Variants in MLH3 observed in about 807,000 individuals in gnomAD.
The protein encoded by MLH3 is mutL homolog 3, also known as DNA mismatch repair protein Mlh3.
A neutral mutation model predicts 122.2 loss-of-function variants in MLH3; 82 were observed. The ratio of observed to expected loss-of-function variants is 0.67; its 90% CI spans 0.56 to 0.81. The LOEUF is 0.81. MLH3 is among the 30% of genes least tolerant of loss of function. The pLI is 0.00. For missense variants in MLH3, 1,539 were observed against 1,714.5 expected (o/e 0.90, Z 1.81); for synonymous variants, 524 against 599.5 (o/e 0.87, Z 1.84).
intron 2 of MLH3, among the ~76,000 whole-genome samples, chr14:75,044,682 A>AT (rs968247102): frequency 1.6e-4 from 25 of 151,940 alleles, no homozygotes; most frequent in South Asian, 2.1e-4. Context: ...TACTACAGTG[A>AT]TTTTTTTTTC....
chr14:75,047,245 C>T lies in MLH3; in HGVS notation c.2411G>A (p.Cys804Tyr), dbSNP rs2139563242. 2 of 1,614,178 alleles carry T rather than the reference C, an allele frequency of 1.2e-6. No homozygotes were observed. The highest frequency in any genetic ancestry group is 1.7e-6 in the Non-Finnish European group (2 of 1,180,012). Residue 804 changes from cysteine to tyrosine, a missense_variant, in exon 2 of 13, where the codon TGT (cysteine) becomes TAT (tyrosine). By Grantham distance (194) the Cys-to-Tyr change is radical (BLOSUM62 -2). Coordinates refer to ENST00000355774, the MANE Select transcript of MLH3 (RefSeq NM_001040108.2). ...DKNRLENSDVCKITTMEHSDS... is the reference protein window; with the variant it reads ...DKNRLENSDVYKITTMEHSDS... ...ACTATGCTCCATAGTAGTGATTTTA[C>T]AAACATCAGAGTTCTCTAAGCGGTT... is the stretch of plus-strand genomic sequence containing the variant.
At chr14:75,023,104 C>T (rs1351934516) in intron 9 of MLH3, 86 bp from the exon 10 acceptor site, 1 of 1,467,790 alleles carries the variant, frequency 6.8e-7, no homozygotes, top group Non-Finnish European at 9.5e-7. Flanking sequence ...CAATTTTCTT[C>T]TTTAAATCAT....
chr14:75,021,096 C>G (rs145731545), intron 11 of MLH3, among the ~76,000 whole-genome samples: 3,264 of 152,290 alleles, frequency 0.021, 61 homozygotes, highest in African/African-American at 0.047. Context: ...AGGCTGGTCT[C>G]GAACTCCTGA....
intron 4 of MLH3, among the ~76,000 whole-genome samples, chr14:75,041,308 G>T (rs1304907145): frequency 6.6e-6 from 1 of 152,210 alleles, no homozygotes; most frequent in Non-Finnish European, 1.5e-5. Flanking sequence ...CCAGGACTTT[G>T]GGAGGCTGAG....
At position 75,016,267 on chromosome 14, in the gene MLH3, T is replaced by C. The variant is rs1464120183; in HGVS notation, c.*815A>G. ...AAGATATTTGGTTAGGTTGAACGTA[T>C]GTATGCTGTGTTTTGATATGACAAT... On this transcript the variant is annotated 3_prime_UTR_variant, in exon 13 of 13. Coordinates refer to ENST00000355774, the MANE Select transcript of MLH3 (RefSeq NM_001040108.2). 4.9e-6 allele frequency: 1 copy of C among 204,348 alleles called. No homozygotes were observed. The highest frequency in any genetic ancestry group is 7.5e-5 in the East Asian group (1 of 13,296). The allele number at this position is 204,348 out of a possible 1,614,324, so 12.7% of individuals were successfully genotyped here.
chr14:75,014,404 G>T lies in MLH3; in HGVS notation c.*2678C>A, dbSNP rs563610644. On this transcript the variant is annotated 3_prime_UTR_variant, in exon 13 of 13. Transcript: ENST00000355774. Reference sequence around the variant, plus strand: ...AGCTTCATTCTAGCCTACACTTTATGCTTTGCCTTAAGCTTTTCTGATACT... The same window carrying T: ...AGCTTCATTCTAGCCTACACTTTATTCTTTGCCTTAAGCTTTTCTGATACT... The T allele has an allele frequency of 1.7e-5, 3 of 179,138 alleles. No homozygotes were observed. In the East Asian group the frequency reaches 2.8e-4, roughly 17 times the overall value. 11.1% of individuals were successfully genotyped at this position (179,138 alleles called of 1,614,324 possible).
intron 6 of MLH3, among the ~76,000 whole-genome samples, chr14:75,035,380 G>C (rs531538766): frequency 6.6e-6 from 1 of 152,212 alleles, no homozygotes; most frequent in African/African-American, 2.4e-5. Flanking sequence ...AATTAGCTGG[G>C]CGTGGGTGGC....
intron 11 of MLH3, among the ~76,000 whole-genome samples, chr14:75,021,629 A>G (rs974844433): frequency 2.0e-5 from 3 of 152,246 alleles, no homozygotes; most frequent in Non-Finnish European, 4.4e-5. Flanking sequence ...ACAGTGACAT[A>G]CCATCTCACA....
chr14:75,022,011 G>A (rs960985960), intron 11 of MLH3, among the ~76,000 whole-genome samples: 1 of 152,026 alleles, frequency 6.6e-6, no homozygotes, highest in African/African-American at 2.4e-5. Flanking sequence ...AAAAAAGAAC[G>A]AGATCACATC....
Position 75,047,730 on chromosome 14 carries a change from A to G in MLH3, c.1926T>C (p.Phe642=), listed in dbSNP as rs1319967873. ...RPGPTRAQET[F]GNRTRHSVET... ...CAACTGAATGACGTGTTCTATTTCC[A>G]AATGTTTCTTGGGCACGTGTGGGAC... Residue 642 remains phenylalanine (F), a synonymous_variant, in exon 2 of 13, where the codon TTT becomes TTC. Transcript: ENST00000355774. The G allele has an allele frequency of 3.7e-6, 6 of 1,614,142 alleles. No individual in the cohort carries two copies. The highest frequency in any genetic ancestry group is 5.1e-6 in the Non-Finnish European group (6 of 1,180,010).
At chr14:75,045,231 G>A (rs530963109) in intron 2 of MLH3, among the ~76,000 whole-genome samples, 4 of 152,324 alleles carry the variant, frequency 2.6e-5, no homozygotes, top group South Asian at 4.1e-4. Flanking sequence ...TTGGGAGGCT[G>A]AGGCAGGAGG....
rs1892394467 is a variant in MLH3, at chr14:75,048,163, T to C, written c.1493A>G (p.Glu498Gly). Residue 498 changes from glutamate (E) to glycine (G), a missense_variant, in exon 2 of 13, where the codon GAA (glutamate) becomes GGA (glycine). Physicochemically the swap from Glu to Gly is moderately conservative, Grantham distance 98. Coordinates refer to ENST00000355774, the MANE Select transcript of MLH3 (RefSeq NM_001040108.2). Reference protein sequence around the residue: ...KKSFLEHSSLENPCGTSLEMF... With the variant: ...KKSFLEHSSLGNPCGTSLEMF... ...TTCTAAACTGGTTCCACACGGATTT[T>C]CTAAAGAGCTATGTTCCAGGAAAGA... The C allele has an allele frequency of 3.1e-6, 5 of 1,614,148 alleles. No individual in the cohort carries two copies. The African/African-American group carries it at 4.0e-5, about 13-fold the overall frequency.
At chr14:75,037,911 T>C (rs1374511477) in intron 6 of MLH3, among the ~76,000 whole-genome samples, 1 of 152,206 alleles carries the variant, frequency 6.6e-6, no homozygotes, top group East Asian at 1.9e-4. Flanking sequence ...TATATGTATG[T>C]GTATGAACAT....
chr14:75,049,180 C>T lies in MLH3; in HGVS notation c.476G>A (p.Arg159Lys), dbSNP rs1892489444. 2 of 1,614,220 alleles carry T rather than the reference C, an allele frequency of 1.2e-6. No homozygotes were observed. The highest frequency in any genetic ancestry group is 4.5e-5 in the East Asian group (2 of 44,886). The change falls in exon 2 of 13, where the codon AGG becomes AAG. Residue 159 changes from arginine (R) to lysine (K), a missense_variant. Arg to Lys is a conservative substitution (Grantham distance 26). Coordinates refer to ENST00000355774, the MANE Select transcript of MLH3 (RefSeq NM_001040108.2). ...YNLFYQLPVR[R>K]KCMDPRLEFE... is the part of the protein sequence containing the mutation. ...CTCCAGTCTAGGGTCCATGCATTTC[C>T]TCCTTACAGGAAGCTGGTAAAATAG...
At chr14:75,023,064 A>G (rs1394870580) in intron 9 of MLH3, 46 bp from the exon 10 acceptor site, 1 of 1,608,728 alleles carries the variant, frequency 6.2e-7, no homozygotes, top group South Asian at 1.1e-5. Flanking sequence ...GTTATGTTTT[A>G]CTTGCCCTTT....
At chr14:75,034,084 T>G (rs1018795336) in intron 6 of MLH3, among the ~76,000 whole-genome samples, 1 of 151,882 alleles carries the variant, frequency 6.6e-6, no homozygotes, top group Non-Finnish European at 1.5e-5. Flanking sequence ...TTCCAGCTAC[T>G]TGGGAGGCTG....
Position 75,014,403 on chromosome 14 carries a change from T to C in MLH3, c.*2679A>G, listed in dbSNP as rs1018604766. ...CAGCTTCATTCTAGCCTACACTTTATGCTTTGCCTTAAGCTTTTCTGATAC... is the reference window on the plus strand; with the variant it reads ...CAGCTTCATTCTAGCCTACACTTTACGCTTTGCCTTAAGCTTTTCTGATAC... On this transcript the variant is annotated 3_prime_UTR_variant, in exon 13 of 13. Transcript: ENST00000355774. 3.4e-5 allele frequency: 6 copies of C among 179,094 alleles called. No homozygotes were observed. The highest frequency in any genetic ancestry group is 3.6e-5 in the Non-Finnish European group (3 of 83,568). The allele number at this position is 179,094 out of a possible 1,614,324, so 11.1% of individuals were successfully genotyped here.
Position 75,030,707 on chromosome 14 carries a change from A to G in MLH3, c.3828-5T>C. The G allele has an allele frequency of 1.2e-6, 2 of 1,612,732 alleles. No individual in the cohort carries two copies. The highest frequency in any genetic ancestry group is 1.7e-6 in the Non-Finnish European group (2 of 1,178,796). The stretch of plus-strand genomic sequence containing the variant: ...TCCAGATTTTTGTGGTAACACCTAA[A>G]GAGATAACCTCAAATGTTAAAAAAA... On this transcript the variant is annotated splice_polypyrimidine_tract_variant and splice_region_variant and intron_variant, in intron 8 of 12. Coordinates refer to ENST00000355774, the MANE Select transcript of MLH3 (RefSeq NM_001040108.2).
At chr14:75,039,839 G>C in intron 5 of MLH3, 72 bp downstream of exon 5, 1 of 358,648 alleles carries the variant, frequency 2.8e-6, no homozygotes, top group Non-Finnish European at 4.3e-6. Flanking sequence ...TTTTAGAAGA[G>C]TTAGGCCATA....
Sources: allele counts gnomAD v4.1 joint callset (sites outside exome capture counted in the v4.1 genomes callset), GRCh38; gene constraint gnomAD v4.1.1; transcripts MANE v1.5; gene names NCBI Gene and HGNC (gene_info 2026-07-23, HGNC 2026-07-21).